The following R3HCC1L variants were observed in gnomAD, a reference collection of about 807,000 sequenced individuals.
R3HCC1L encodes the protein R3H domain and coiled-coil containing 1 like, also known as coiled-coil domain-containing protein R3HCC1L.
Under a neutral mutation model 59.9 loss-of-function variants are expected in R3HCC1L, and 51 were observed. That is an observed-to-expected ratio of 0.85 (90% CI 0.68 to 1.07). R3HCC1L has a LOEUF of 1.07. Among genes scored for constraint, R3HCC1L ranks in the 50% least tolerant of loss-of-function variants. R3HCC1L has a pLI of 0.00. For synonymous variants in R3HCC1L, 322 were observed against 315.2 expected (o/e 1.02, Z -0.23); for missense variants, 965 against 933.0 (o/e 1.03, Z -0.45).
At chr10:98,171,149 G>C (rs971437042) in intron 4 of R3HCC1L, among the ~76,000 whole-genome samples, 3 of 152,196 alleles carry the variant, frequency 2.0e-5, no homozygotes, top group African/African-American at 7.2e-5. Context: ...AAATATAGTA[G>C]CGTGAGCACA....
chr10:98,149,997 G>A (rs1018128255), intron 1 of R3HCC1L, among the ~76,000 whole-genome samples: 1 of 152,060 alleles, frequency 6.6e-6, no homozygotes, highest in Non-Finnish European at 1.5e-5. Context: ...TGGCAGCGCT[G>A]GTCTTTTTTC....
chr10:98,172,386 A>C (rs1028980760), intron 4 of R3HCC1L, among the ~76,000 whole-genome samples: 3 of 152,200 alleles, frequency 2.0e-5, no homozygotes, highest in Non-Finnish European at 2.9e-5. Flanking sequence ...TAACATTTTT[A>C]GCGTGGTTCA....
chr10:98,179,804 G>A (rs1306739567), intron 4 of R3HCC1L, among the ~76,000 whole-genome samples: 1 of 152,118 alleles, frequency 6.6e-6, no homozygotes, highest in Admixed American at 6.6e-5. Flanking sequence ...GGGTGTATAT[G>A]TCCAGGAATT....
At chr10:98,213,985 T>C (rs1261637259) in intron 5 of R3HCC1L, among the ~76,000 whole-genome samples, 1 of 152,136 alleles carries the variant, frequency 6.6e-6, no homozygotes, top group Non-Finnish European at 1.5e-5. Flanking sequence ...TTCAATCCAT[T>C]AGTGAATGAT....
chr10:98,229,100 G>GT (rs1485844378), intron 5 of R3HCC1L, among the ~76,000 whole-genome samples: 2 of 152,040 alleles, frequency 1.3e-5, no homozygotes, highest in African/African-American at 4.8e-5. Context: ...CTTTAAAGTA[G>GT]TTTTTTTCCA....
intron 1 of R3HCC1L, among the ~76,000 whole-genome samples, chr10:98,154,453 T>C (rs1846635831): frequency 6.6e-6 from 1 of 152,214 alleles, no homozygotes; most frequent in South Asian, 2.1e-4. Context: ...GACTGCAACC[T>C]GTCACATGAG....
At chr10:98,170,138 T>C (rs570268251) in intron 4 of R3HCC1L, among the ~76,000 whole-genome samples, 1 of 152,162 alleles carries the variant, frequency 6.6e-6, no homozygotes, top group Non-Finnish European at 1.5e-5. Flanking sequence ...TAAACTTTGC[T>C]CAGCATATAT....
intron 4 of R3HCC1L, among the ~76,000 whole-genome samples, chr10:98,164,082 T>C (rs1564634478): frequency 1.3e-5 from 2 of 152,158 alleles, no homozygotes; most frequent in African/African-American, 4.8e-5. Flanking sequence ...GGCCAGCCGA[T>C]GTGCAGGGTG....
At chr10:98,173,736 G>A (rs1228660724) in intron 4 of R3HCC1L, among the ~76,000 whole-genome samples, 1 of 151,940 alleles carries the variant, frequency 6.6e-6, no homozygotes. Context: ...CCACAGGTTA[G>A]CATTGGGACC....
intron 4 of R3HCC1L, among the ~76,000 whole-genome samples, chr10:98,169,535 C>T (rs1848309133): frequency 1.3e-5 from 2 of 152,202 alleles, no homozygotes; most frequent in Admixed American, 1.3e-4. Context: ...TACTAAATCA[C>T]TGCTCTACCA....
intron 5 of R3HCC1L, among the ~76,000 whole-genome samples, chr10:98,228,478 T>C (rs2135572621): frequency 6.6e-6 from 1 of 152,330 alleles, no homozygotes; most frequent in East Asian, 1.9e-4. Context: ...GATAAAGATA[T>C]TACTCATCTT....
intron 8 of R3HCC1L, 49 bp downstream of exon 8, chr10:98,235,569 G>T: frequency 6.9e-7 from 1 of 1,444,076 alleles, no homozygotes; most frequent in Non-Finnish European, 9.5e-7. Flanking sequence ...TGGTATTATT[G>T]TTCTTTCCAG....
intron 4 of R3HCC1L, among the ~76,000 whole-genome samples, chr10:98,165,444 G>A (rs1268516714): frequency 6.6e-6 from 1 of 152,198 alleles, no homozygotes; most frequent in Non-Finnish European, 1.5e-5. Context: ...TATAGTAGTA[G>A]TAAGGCCAGT....
chr10:98,198,258 T>G (rs1474367021), intron 4 of R3HCC1L, among the ~76,000 whole-genome samples: 1 of 152,132 alleles, frequency 6.6e-6, no homozygotes, highest in Non-Finnish European at 1.5e-5. Context: ...CCAGAAATCT[T>G]ATGATTTGCT....
intron 5 of R3HCC1L, among the ~76,000 whole-genome samples, chr10:98,228,611 G>T (rs1296287879): frequency 6.6e-6 from 1 of 152,034 alleles, no homozygotes; most frequent in Non-Finnish European, 1.5e-5. Flanking sequence ...GTCAATTTTG[G>T]CTTTTGTTGC....
intron 1 of R3HCC1L, among the ~76,000 whole-genome samples, chr10:98,153,449 C>G (rs963482838): frequency 4.6e-5 from 7 of 152,158 alleles, no homozygotes; most frequent in African/African-American, 1.4e-4. Flanking sequence ...TCCCTAATCT[C>G]AAGTACCCAG....
Position 98,137,188 on chromosome 10 carries a change from C to T in R3HCC1L, c.-268+2482C>T, listed in dbSNP as rs551025836. On this transcript the variant is annotated intron_variant, in intron 1 of 9. Coordinates refer to ENST00000298999, the MANE Select transcript of R3HCC1L (RefSeq NM_001351015.2). ...ATCACACCACTGTGCTCCAGCCTGG[C>T]GACAGAGCAAGACTCCCGTCTCAAA... Among the ~76,000 whole-genome samples, 8 of 152,046 alleles carry T rather than the reference C, an allele frequency of 5.3e-5. No individual in the cohort carries two copies. In the South Asian group the frequency reaches 8.3e-4, roughly 16 times the overall value.
At chr10:98,195,828 G>A (rs1851373662) in intron 4 of R3HCC1L, among the ~76,000 whole-genome samples, 1 of 152,062 alleles carries the variant, frequency 6.6e-6, no homozygotes, top group African/African-American at 2.4e-5. Flanking sequence ...ATAAATATTA[G>A]CTGCTATATC....
intron 4 of R3HCC1L, among the ~76,000 whole-genome samples, chr10:98,197,747 G>C (rs1851600033): frequency 6.6e-6 from 1 of 152,164 alleles, no homozygotes; most frequent in South Asian, 2.1e-4. Context: ...GTGCAAACAA[G>C]TAACTATAAA....
Sources: gnomAD v4.1 joint callset for allele counts (sites outside exome capture counted in the v4.1 genomes callset) on GRCh38, gnomAD v4.1.1 for gene constraint, MANE v1.5 for transcripts, NCBI Gene and HGNC (gene_info 2026-07-23, HGNC 2026-07-21) for gene names.